TTN: variants seen among roughly 807,000 people sequenced by gnomAD.
The protein encoded by TTN is titin.
Under a neutral mutation model 3,223.0 loss-of-function variants are expected in TTN, and 1,525 were observed. The ratio of observed to expected loss-of-function variants is 0.47; its 90% confidence interval spans 0.45 to 0.49. The LOEUF is 0.49. Ranked by LOEUF, TTN falls within the 20% of genes least tolerant of loss-of-function variation. The probability of loss-of-function intolerance (pLI) is 0.00; values close to 1 mark genes in which losing one functional copy is unlikely to be tolerated. For synonymous variants in TTN, 14,094 were observed against 15,161.0 expected, an observed-to-expected ratio of 0.93 and a Z score of 5.17; for missense variants, 40,786 against 43,424.0, an observed-to-expected ratio of 0.94 and a Z score of 5.40.
At position 178,756,643 on chromosome 2, in the gene TTN, C is replaced by G; in HGVS notation, c.10833G>C (p.Gln3611His). 1 of 1,613,820 alleles carries G rather than the reference C, an allele frequency of 6.2e-7. No homozygotes were observed. ...AACTTTGAGATACACTTTCAAAAAC[C>G]TGCACTTCATATTCATATGATGATC... The part of the protein sequence containing the change: ...FQGSSYEYEV[Q>H]VFESVSQSSI... The change falls in exon 46 of 363, where the codon CAG (glutamine) becomes CAC (histidine). Residue 3611 changes from glutamine to histidine, a missense_variant. Transcript: ENST00000589042.
At chr2:178,652,991 C>G in intron 199 of TTN, 50 bp downstream of exon 199, 1 of 1,604,722 alleles carries the variant, frequency 6.2e-7, no homozygotes, top group Non-Finnish European at 8.5e-7. Flanking sequence ...AAAGTATTTT[C>G]AAGAAATGAA....
At position 178,571,231 on chromosome 2, in the gene TTN, C is replaced by T. The variant is rs746943691; in HGVS notation, c.74901G>A (p.Lys24967=). 1.5e-5 allele frequency: 25 copies of T among 1,613,438 alleles called. No homozygotes were observed. Among genetic ancestry groups the T allele is most frequent in the African/African-American group, 2.7e-5 (2 of 74,880 alleles). The change falls in exon 326 of 363, where the codon AAG becomes AAA. Residue 24967 remains lysine, a synonymous_variant. Transcript: ENST00000589042. ...CTTCTTCAAGGCCAGTTGTCTTAAA[C>T]TTGGTTTGAGGAATAGGTGTTTTAT... The part of the protein sequence containing the change: ...KLNKTPIPQT[K]FKTTGLEEGV...
At chr2:178,772,201 T>A (rs2091610416) in intron 33 of TTN, among the ~76,000 whole-genome samples, 3 of 152,192 alleles carry the variant, frequency 2.0e-5, no homozygotes, top group Admixed American at 6.5e-5. Flanking sequence ...TAATTTATAT[T>A]AAATGTATAA....
chr2:178,668,635 G>A (rs776160998), intron 159 of TTN, among the ~76,000 whole-genome samples: 27 of 151,772 alleles, frequency 1.8e-4, no homozygotes, highest in Non-Finnish European at 3.8e-4. Flanking sequence ...GGGAGGCTGG[G>A]GCAGGAGAAT....
rs766888985 is a variant in TTN, at chr2:178,532,759, C to G, written c.103856G>C (p.Trp34619Ser). 1.2e-6 allele frequency: 2 copies of G among 1,613,918 alleles called. No individual in the cohort carries two copies. The highest frequency in any genetic ancestry group is 2.2e-5 in the South Asian group (2 of 91,080). Residue 34619 changes from tryptophan to serine, a missense_variant, in exon 358 of 363, where the codon TGG becomes TCG. Coordinates refer to ENST00000589042, the MANE Select transcript of TTN (RefSeq NM_001267550.2). ...ATCTTGGGACAGTTTAGGAATACGC[C>G]ATTTAGGTCTGTATTGATCTGTAAT... is the stretch of plus-strand genomic sequence containing the variant. The part of the protein sequence containing the change: ...PRITDQYRPK[W>S]RIPKLSQDDL...
chr2:178,614,790 TCAA>T (rs1316089163), intron 260 of TTN, 37 bp from the exon 261 acceptor site: 1 of 1,599,020 alleles, frequency 6.3e-7, no homozygotes, highest in African/African-American at 1.3e-5. Flanking sequence ...GTTATCAAGT[TCAA>T]GCAGATTTAA....
At chr2:178,759,298 T>C (rs1465995938) in intron 43 of TTN, 126 bp from the exon 44 acceptor site, 2 of 929,068 alleles carry the variant, frequency 2.2e-6, no homozygotes, top group Non-Finnish European at 1.7e-6. Context: ...ACATGATACT[T>C]TTCTCTGGGC....
Position 178,548,025 on chromosome 2 carries a change from A to C in TTN, c.93601T>G (p.Phe31201Val). The part of the protein sequence containing the change: ...DAGYSEPREA[F>V]SSVIIKEPQI... ...GGCTCCTTAATGATGACAGAAGAGA[A>C]GGCTTCTCTGGGTTCACTATAGCCA... Residue 31201 changes from phenylalanine (F) to valine (V), a missense_variant, in exon 339 of 363, where the codon TTC becomes GTC. Coordinates refer to ENST00000589042, the MANE Select transcript of TTN (RefSeq NM_001267550.2). The surrounding 1 kb of genome is among the most constrained non-coding windows in gnomAD (Gnocchi z 4.3). 1 of 1,613,834 alleles carries C rather than the reference A, an allele frequency of 6.2e-7. No homozygotes were observed. Among genetic ancestry groups the C allele is most frequent in the South Asian group, 1.1e-5 (1 of 91,074 alleles).
Position 178,785,773 on chromosome 2 carries a change from T to C in TTN, c.2371-31A>G, listed in dbSNP as rs376230159. 2.0e-4 allele frequency: 330 copies of C among 1,614,148 alleles called. No homozygotes were observed. The African/African-American group carries it at 3.9e-3, about 19-fold the overall frequency. On this transcript the variant is annotated intron_variant, in intron 14 of 362. Coordinates refer to ENST00000589042, the MANE Select transcript of TTN (RefSeq NM_001267550.2). ...TTGAAATGAAACTCAGTGATACCAT[T>C]GATCACCAGATGACCACAGCAGTGA...
chr2:178,804,068 GTTAA>G (rs2094196548), intron 2 of TTN, among the ~76,000 whole-genome samples: 1 of 152,154 alleles, frequency 6.6e-6, no homozygotes, highest in Admixed American at 6.5e-5. Flanking sequence ...TGAGGAGTTG[GTTAA>G]TTACTGAACA....
chr2:178,774,237 TC>T lies in TTN; in HGVS notation c.7026del (p.Lys2344ArgfsTer6), dbSNP rs1211627330. On this transcript the variant is annotated frameshift_variant, in exon 30 of 363. Coordinates refer to ENST00000589042, the MANE Select transcript of TTN (RefSeq NM_001267550.2). LOFTEE classifies it high-confidence loss of function. ...ATCTTTAATTTACAGGTTGTCTTTT[TC>T]CCGTCGATGACAAAGCTGTATTCTC... The part of the protein sequence containing the change: ...DQGEYSFVID[G>X]KKTTCKLKMK... The T allele has an allele frequency of 6.2e-7, 1 of 1,614,094 alleles. No homozygotes were observed. The highest frequency in any genetic ancestry group is 8.5e-7 in the Non-Finnish European group (1 of 1,179,970).
In TTN at chr2:178,776,692, G is replaced by A; in HGVS notation, c.5172C>T (p.Cys1724=). ...TTGGGTCACCAATGGGTGTTAGCCTGCATTCAAAGTGGGCAGGCCCAAAGC... is the reference window on the plus strand; with the variant it reads ...TTGGGTCACCAATGGGTGTTAGCCTACATTCAAAGTGGGCAGGCCCAAAGC... The part of the protein sequence containing the change: ...LKRFGPAHFE[C]RLTPIGDPTM... The change falls in exon 28 of 363, where the codon TGC becomes TGT. Residue 1724 remains cysteine (C), a synonymous_variant. Transcript: ENST00000589042. The A allele has an allele frequency of 1.2e-6, 2 of 1,614,116 alleles. No homozygotes were observed. The highest frequency in any genetic ancestry group is 2.2e-5 in the South Asian group (2 of 91,078).
In TTN at chr2:178,564,934, T is replaced by G; in HGVS notation, c.81198A>C (p.Val27066=). 1 of 1,612,562 alleles carries G rather than the reference T, an allele frequency of 6.2e-7. No individual in the cohort carries two copies. Among genetic ancestry groups the G allele is most frequent in the Non-Finnish European group, 8.5e-7 (1 of 1,179,320 alleles). Residue 27066 remains valine, a synonymous_variant, in exon 326 of 363, where the codon GTA becomes GTC. Coordinates refer to ENST00000589042, the MANE Select transcript of TTN (RefSeq NM_001267550.2). ...SAPLDSKAVI[V]QYPFKEPGPP... is the part of the protein sequence containing the mutation. ...GTCCAGGTTCTTTAAATGGATATTG[T>G]ACAATAACTGCCTTAGAATCCAGTG...
At chr2:178,530,215 G>T (rs376508640) in intron 358 of TTN, 26 bp downstream of exon 358, 6 of 1,564,232 alleles carry the variant, frequency 3.8e-6, no homozygotes, top group Non-Finnish European at 5.2e-6. Flanking sequence ...GAAGATAAAA[G>T]AAAGAGACAT....
chr2:178,576,549 A>G lies in TTN; in HGVS notation c.69695T>C (p.Val23232Ala), dbSNP rs1575819357. The G allele has an allele frequency of 1.2e-6, 2 of 1,613,482 alleles. No individual in the cohort carries two copies. Among genetic ancestry groups the G allele is most frequent in the South Asian group, 2.2e-5 (2 of 91,008 alleles). ...IGPPSEASDS[V>A]LMKDAAYPPG... ...CTAACATGCTGCATCTTTCATCAGA[A>G]CAGAATCTGAAGCCTCACTGGGTGG... is the stretch of plus-strand genomic sequence containing the variant. Residue 23232 changes from valine to alanine, a missense_variant, in exon 325 of 363, where the codon GTT (valine) becomes GCT (alanine). Physicochemically the swap from Val to Ala is moderately conservative, Grantham distance 64. Transcript: ENST00000589042. This position sits in a 1 kb window ranked among gnomAD's most constrained non-coding sequence, Gnocchi z 4.3.
At chr2:178,615,849 G>T in intron 257 of TTN, 61 bp from the exon 258 acceptor site, 1 of 1,531,294 alleles carries the variant, frequency 6.5e-7, no homozygotes, top group Non-Finnish European at 8.8e-7. Flanking sequence ...CAACCCAAAA[G>T]ATTTTTACCA....
intron 330 of TTN, chr2:178,556,184 CTT>C (rs1396665329): frequency 2.0e-5 from 3 of 152,892 alleles, no homozygotes; most frequent in Admixed American, 2.0e-4. Flanking sequence ...AATCCCAACA[CTT>C]TGGGAGGCCG....
At chr2:178,585,456 A>G (rs2048716909) in intron 308 of TTN, 109 bp from the exon 309 acceptor site, 17 of 1,215,726 alleles carry the variant, frequency 1.4e-5, no homozygotes, top group Non-Finnish European at 1.8e-5. Context: ...ATTTTTTTTA[A>G]TATATACTTT....
Position 178,782,372 on chromosome 2 carries a change from C to T in TTN, c.3220G>A (p.Ala1074Thr), listed in dbSNP as rs775661612. The T allele has an allele frequency of 6.2e-7, 1 of 1,614,100 alleles. No individual in the cohort carries two copies. The change falls in exon 20 of 363, where the codon GCA becomes ACA. Residue 1074 changes from alanine to threonine, a missense_variant. Physicochemically the swap from Ala to Thr is moderately conservative, Grantham distance 58 (BLOSUM62 0). Coordinates refer to ENST00000589042, the MANE Select transcript of TTN (RefSeq NM_001267550.2). ...MTDTSLTEEQ[A>T]GPGEPAAPYF... is the part of the protein sequence containing the mutation. ...GGCGCGGCAGGTTCTCCAGGCCCTG[C>T]TTGTTCCTCTGTGAGGCTAGTATCA... is the stretch of plus-strand genomic sequence containing the variant.
Sources: allele counts gnomAD v4.1 joint callset (sites outside exome capture counted in the v4.1 genomes callset), GRCh38; gene constraint gnomAD v4.1.1; non-coding constraint Gnocchi (gnomAD v3.1); transcripts MANE v1.5; gene names NCBI Gene and HGNC (gene_info 2026-07-23, HGNC 2026-07-21).